The following MED26 variants were observed in gnomAD, a reference collection of about 807,000 sequenced individuals.
The protein encoded by MED26 is mediator complex subunit 26, also known as mediator of RNA polymerase II transcription subunit 26.
In MED26, 7 loss-of-function variants were observed where a neutral mutation model predicts 43.7. The observed-to-expected ratio is 0.16, with a 90% confidence interval of 0.09 to 0.30. The LOEUF (loss-of-function observed/expected upper bound fraction) is 0.30, where lower values mean the gene tolerates loss of function less well. Ranked by LOEUF, MED26 falls within the 10% of genes least tolerant of loss-of-function variation. The pLI is 1.00. For synonymous variants in MED26, 375 were observed against 371.1 expected (o/e 1.01, Z -0.12); for missense variants, 784 against 840.6 (o/e 0.93, Z 0.83).
chr19:16,612,657 T>G (rs966776783), intron 1 of MED26, among the ~76,000 whole-genome samples: 1 of 152,220 alleles, frequency 6.6e-6, no homozygotes, highest in Admixed American at 6.5e-5. Context: ...GGCAGCTTCA[T>G]GTGCACAAAG....
intron 1 of MED26, 83 bp downstream of exon 1, chr19:16,627,789 G>A (rs1599352940): frequency 1.9e-6 from 2 of 1,027,832 alleles, no homozygotes; most frequent in Non-Finnish European, 2.6e-6. Flanking sequence ...GTCCCCCGAA[G>A]CCCGGTGGGC....
intron 1 of MED26, among the ~76,000 whole-genome samples, chr19:16,621,317 CCA>C (rs2086250662): frequency 6.6e-6 from 1 of 152,226 alleles, no homozygotes; most frequent in Admixed American, 6.5e-5. Flanking sequence ...ATGAGACACT[CCA>C]CACAGTAGTG....
At chr19:16,624,710 C>T (rs2086266217) in intron 1 of MED26, 1 of 152,222 alleles carries the variant, frequency 6.6e-6, no homozygotes, top group Non-Finnish European at 1.5e-5. Context: ...CAAAGTTCTG[C>T]ATTAGAATAT....
At chr19:16,626,967 G>C (rs2086280254) in intron 1 of MED26, among the ~76,000 whole-genome samples, 1 of 138,890 alleles carries the variant, frequency 7.2e-6, no homozygotes, top group South Asian at 2.7e-4. Flanking sequence ...GGAAGGGGAG[G>C]GGGCGGTCCC....
At chr19:16,626,411 T>C (rs1378372624) in intron 1 of MED26, among the ~76,000 whole-genome samples, 3 of 152,192 alleles carry the variant, frequency 2.0e-5, no homozygotes, top group Non-Finnish European at 2.9e-5. Flanking sequence ...AGGTTTTATA[T>C]AGCTTGTGCC....
intron 1 of MED26, among the ~76,000 whole-genome samples, chr19:16,601,284 T>A (rs375126306): frequency 6.6e-6 from 1 of 151,852 alleles, no homozygotes; most frequent in East Asian, 2.0e-4. Flanking sequence ...GCCTCCCGAG[T>A]AGCTGGGATT....
chr19:16,593,664 C>T (rs745495491), intron 1 of MED26, among the ~76,000 whole-genome samples: 18 of 152,122 alleles, frequency 1.2e-4, no homozygotes, highest in Admixed American at 3.3e-4. Context: ...AGAGCAAACA[C>T]GCTTTGTCCC....
rs2085987430 is a variant in MED26, at chr19:16,575,351, A to G, written c.*676T>C. 6.5e-6 allele frequency: 1 copy of G among 152,700 alleles called. No homozygotes were observed. The highest frequency in any genetic ancestry group is 2.4e-5 in the African/African-American group (1 of 41,472). The allele number at this position is 152,700 out of a possible 1,614,324, so 9.5% of individuals were successfully genotyped here. ...AACATGAGAAAACTTAAATTTTTGC[A>G]GCATTTCTTTAAAAACTGGGTTATA... On this transcript the variant is annotated 3_prime_UTR_variant, in exon 3 of 3. Transcript: ENST00000263390.
chr19:16,621,095 C>T (rs761707565), intron 1 of MED26, among the ~76,000 whole-genome samples: 1 of 152,180 alleles, frequency 6.6e-6, no homozygotes, highest in Non-Finnish European at 1.5e-5. Flanking sequence ...CCTTGGAAGA[C>T]GCAATGGAGT....
rs1282945534 is a variant in MED26, at chr19:16,575,693, G to A, written c.*334C>T. Reference sequence around the variant, plus strand: ...CCTGCAACTGAGGCCCCAGCTTTCAGGTGCTGGAAAGTGTCCGCACCTCTT... The same window carrying A: ...CCTGCAACTGAGGCCCCAGCTTTCAAGTGCTGGAAAGTGTCCGCACCTCTT... On this transcript the variant is annotated 3_prime_UTR_variant, in exon 3 of 3. Transcript: ENST00000263390. 3.7e-6 allele frequency: 1 copy of A among 268,300 alleles called. No individual in the cohort carries two copies. The highest frequency in any genetic ancestry group is 7.7e-5 in the East Asian group (1 of 13,004). The allele number at this position is 268,300 out of a possible 1,614,324, so 16.6% of individuals were successfully genotyped here.
Position 16,576,469 on chromosome 19 carries a change from T to C in MED26, c.1361A>G (p.Gln454Arg). ...CTGCTTGTCCAGCTCTGTCCTGGACTGCTGCTCCATGTGCACAGGGCTGTC... is the reference window on the plus strand; with the variant it reads ...CTGCTTGTCCAGCTCTGTCCTGGACCGCTGCTCCATGTGCACAGGGCTGTC... ...RADSPVHMEQ[Q>R]SRTELDKQEA... The change falls in exon 3 of 3, where the codon CAG (glutamine) becomes CGG (arginine). Residue 454 changes from glutamine (Q) to arginine (R), a missense_variant. By Grantham distance (43) the Gln-to-Arg change is conservative (BLOSUM62 1). Coordinates refer to ENST00000263390, the MANE Select transcript of MED26 (RefSeq NM_004831.5). The surrounding 1 kb of genome is among the most constrained non-coding windows in gnomAD (Gnocchi z 6.8). 1 of 1,614,198 alleles carries C rather than the reference T, an allele frequency of 6.2e-7. No individual in the cohort carries two copies. The highest frequency in any genetic ancestry group is 1.3e-5 in the African/African-American group (1 of 75,044).
At chr19:16,606,094 C>T (rs1599342927) in intron 1 of MED26, among the ~76,000 whole-genome samples, 1 of 152,342 alleles carries the variant, frequency 6.6e-6, no homozygotes, top group South Asian at 2.1e-4. Flanking sequence ...CTCTACCTCG[C>T]CCTTAGCGGG....
chr19:16,586,054 T>C lies in MED26; in HGVS notation c.73-7645A>G, dbSNP rs1281174083. 6.6e-6 allele frequency among the ~76,000 whole-genome samples: 1 copy of C among 152,246 alleles called. No individual in the cohort carries two copies. The highest frequency in any genetic ancestry group is 1.5e-5 in the Non-Finnish European group (1 of 68,042). ...GGCTTGCCTCTCCATTTTCTCCACATCTGAACTGTTCCCACCCCGCCTGAG... is the reference window on the plus strand; with the variant it reads ...GGCTTGCCTCTCCATTTTCTCCACACCTGAACTGTTCCCACCCCGCCTGAG... On this transcript the variant is annotated intron_variant, in intron 1 of 2. Coordinates refer to ENST00000263390, the MANE Select transcript of MED26 (RefSeq NM_004831.5). This position sits in a 1 kb window ranked among gnomAD's most constrained non-coding sequence, Gnocchi z 5.1.
intron 1 of MED26, among the ~76,000 whole-genome samples, chr19:16,604,250 AC>A (rs1360956204): frequency 6.6e-6 from 1 of 152,142 alleles, no homozygotes; most frequent in Non-Finnish European, 1.5e-5. Context: ...CTGAAAAGCC[AC>A]ATGCACAGTA....
intron 1 of MED26, among the ~76,000 whole-genome samples, chr19:16,599,844 T>C (rs1400957862): frequency 6.6e-6 from 1 of 152,194 alleles, no homozygotes; most frequent in Non-Finnish European, 1.5e-5. Context: ...GACTGTGCCA[T>C]TGAGCCCACA....
intron 1 of MED26, among the ~76,000 whole-genome samples, chr19:16,593,847 C>G (rs1457493055): frequency 6.6e-6 from 1 of 152,122 alleles, no homozygotes; most frequent in Non-Finnish European, 1.5e-5. Context: ...AAGCTGTGGT[C>G]AATGGTGGCA....
intron 1 of MED26, among the ~76,000 whole-genome samples, chr19:16,580,614 G>T (rs1251290733): frequency 6.6e-6 from 1 of 151,944 alleles, no homozygotes; most frequent in African/African-American, 2.4e-5. Flanking sequence ...CAGGTGATCT[G>T]CCCTCCTCGG....
chr19:16,602,018 C>T (rs552168875), intron 1 of MED26, among the ~76,000 whole-genome samples: 26 of 152,314 alleles, frequency 1.7e-4, no homozygotes, highest in African/African-American at 6.0e-4. Context: ...AAGCCCACCA[C>T]TCGGCTGTGT....
chr19:16,614,929 C>A (rs1010383969), intron 1 of MED26, among the ~76,000 whole-genome samples: 1 of 152,246 alleles, frequency 6.6e-6, no homozygotes, highest in Non-Finnish European at 1.5e-5. Flanking sequence ...CCAAGCCCAA[C>A]TGGGTCCTCC....
Sources: gnomAD v4.1 joint callset for allele counts (sites outside exome capture counted in the v4.1 genomes callset) on GRCh38, gnomAD v4.1.1 for gene constraint, Gnocchi (gnomAD v3.1) non-coding constraint, MANE v1.5 for transcripts, NCBI Gene and HGNC (gene_info 2026-07-23, HGNC 2026-07-21) for gene names.